Variants in DPP6 observed in about 807,000 individuals in gnomAD.
DPP6 encodes the protein A-type potassium channel modulatory protein DPP6.
A neutral mutation model predicts 122.6 loss-of-function variants in DPP6; 69 were observed. That is an observed-to-expected ratio of 0.56 (90% confidence interval 0.46 to 0.69). The LOEUF is 0.69. Ranked by LOEUF, DPP6 falls within the 30% of genes least tolerant of loss-of-function variation. The pLI, the probability that DPP6 is intolerant of heterozygous loss-of-function variation, is 0.00. For missense variants in DPP6, 928 were observed against 1,116.9 expected (o/e 0.83, Z 2.41); for synonymous variants, 418 against 433.1 (o/e 0.97, Z 0.43).
At chr7:154,056,472 T>A (rs917015158) in intron 1 of DPP6, among the ~76,000 whole-genome samples, 6 of 152,180 alleles carry the variant, frequency 3.9e-5, no homozygotes, top group Non-Finnish European at 8.8e-5. Flanking sequence ...TCCGCCTGCT[T>A]GAACATTTCT....
At chr7:154,278,025 A>C (rs77575473) in intron 1 of DPP6, among the ~76,000 whole-genome samples, 46 of 152,320 alleles carry the variant, frequency 3.0e-4, no homozygotes, top group African/African-American at 1.1e-3. Context: ...TCTTCCCGTC[A>C]TGCGGGCGAC....
intron 1 of DPP6, among the ~76,000 whole-genome samples, chr7:153,971,402 T>A: frequency 6.6e-6 from 1 of 150,812 alleles, no homozygotes; most frequent in East Asian, 2.0e-4. Flanking sequence ...TAATTTCTGA[T>A]TTTTACTGCT....
At chr7:154,235,359 T>C (rs1295455232) in intron 1 of DPP6, among the ~76,000 whole-genome samples, 1 of 152,222 alleles carries the variant, frequency 6.6e-6, no homozygotes, top group Non-Finnish European at 1.5e-5. Flanking sequence ...GCTTCATGCC[T>C]TTCTATTGTC....
intron 1 of DPP6, among the ~76,000 whole-genome samples, chr7:154,158,649 G>T (rs1394513190): frequency 6.6e-6 from 1 of 151,874 alleles, no homozygotes; most frequent in Non-Finnish European, 1.5e-5. Flanking sequence ...CAAAGGTCTG[G>T]TGGTATCTGT....
chr7:154,762,931 C>T (rs922800326), intron 8 of DPP6, among the ~76,000 whole-genome samples: 1 of 152,214 alleles, frequency 6.6e-6, no homozygotes, highest in African/African-American at 2.4e-5. Flanking sequence ...AGAAAATCAC[C>T]AAAGTGTGGA....
intron 5 of DPP6, among the ~76,000 whole-genome samples, chr7:154,567,615 A>G: frequency 6.6e-6 from 1 of 152,228 alleles, no homozygotes; most frequent in Non-Finnish European, 1.5e-5. Flanking sequence ...GAGATAAGCA[A>G]CTTTAGAAAT....
At chr7:153,942,371 T>G (rs578210616) in intron 1 of DPP6, among the ~76,000 whole-genome samples, 39 of 152,330 alleles carry the variant, frequency 2.6e-4, no homozygotes, top group African/African-American at 9.4e-4. Context: ...GGAAGAAAGC[T>G]TCTTCATGAC....
At chr7:154,503,825 CAGG>C (rs1825447910) in intron 3 of DPP6, among the ~76,000 whole-genome samples, 1 of 152,160 alleles carries the variant, frequency 6.6e-6, no homozygotes. Context: ...GCTTCTGCAT[CAGG>C]AGGACTAGCT....
intron 1 of DPP6, among the ~76,000 whole-genome samples, chr7:154,191,270 A>G (rs1798604235): frequency 2.0e-5 from 3 of 152,266 alleles, no homozygotes; most frequent in Admixed American, 6.5e-5. Context: ...GGGCATCTTA[A>G]TGGAAAGAAG....
At chr7:153,926,743 T>C (rs1800918936) in intron 1 of DPP6, among the ~76,000 whole-genome samples, 1 of 151,812 alleles carries the variant, frequency 6.6e-6, no homozygotes, top group Non-Finnish European at 1.5e-5. Flanking sequence ...TTTCTCCCTA[T>C]GTAGCATTCC....
intron 1 of DPP6, among the ~76,000 whole-genome samples, chr7:153,948,460 G>A (rs11972419): frequency 0.12 from 18,160 of 151,846 alleles, 1,834 homozygotes; most frequent in African/African-American, 0.28. Context: ...AGCCCACACC[G>A]GTTCCCATGG....
At chr7:154,440,118 G>T (rs952402772) in intron 1 of DPP6, among the ~76,000 whole-genome samples, 3 of 152,244 alleles carry the variant, frequency 2.0e-5, no homozygotes, top group South Asian at 2.1e-4. Flanking sequence ...CGAAAGTTGG[G>T]CAGGTTAACC....
intron 1 of DPP6, among the ~76,000 whole-genome samples, chr7:154,146,525 CCT>C (rs1209839194): frequency 3.9e-5 from 6 of 152,198 alleles, no homozygotes; most frequent in Non-Finnish European, 7.4e-5. Flanking sequence ...TCCCTCCCTG[CCT>C]CTCGCAGCAG....
At chr7:154,564,816 C>T (rs1409665590) in intron 4 of DPP6, among the ~76,000 whole-genome samples, 18 of 152,220 alleles carry the variant, frequency 1.2e-4, no homozygotes, top group Admixed American at 6.5e-5. Context: ...GCAGAAGATT[C>T]GAGTTGTCCA....
chr7:154,268,501 G>A (rs1160539037), intron 1 of DPP6, among the ~76,000 whole-genome samples: 2 of 152,162 alleles, frequency 1.3e-5, no homozygotes, highest in African/African-American at 4.8e-5. Context: ...CTATTCAGGA[G>A]GTAACATTCA....
chr7:154,596,399 G>A (rs527391296), intron 5 of DPP6, among the ~76,000 whole-genome samples: 5 of 152,344 alleles, frequency 3.3e-5, no homozygotes, highest in Admixed American at 6.5e-5. Context: ...CCGCTGACGC[G>A]GGAACACGGG....
At chr7:154,687,518 T>C (rs1318893130) in intron 7 of DPP6, among the ~76,000 whole-genome samples, 1 of 152,228 alleles carries the variant, frequency 6.6e-6, no homozygotes, top group East Asian at 1.9e-4. Flanking sequence ...CTTGTTCATG[T>C]CTTTTAACCT....
intron 8 of DPP6, among the ~76,000 whole-genome samples, chr7:154,738,926 A>G (rs1260168235): frequency 2.0e-5 from 3 of 152,144 alleles, no homozygotes; most frequent in Non-Finnish European, 2.9e-5. Context: ...CTAATTTAAA[A>G]CAGCAAAGTG....
intron 1 of DPP6, among the ~76,000 whole-genome samples, chr7:154,033,862 A>C (rs1027400349): frequency 6.6e-6 from 1 of 152,066 alleles, no homozygotes; most frequent in African/African-American, 2.4e-5. Flanking sequence ...TTTTCTTACA[A>C]ATAACCACTT....
Sources: gnomAD v4.1 joint callset for allele counts (sites outside exome capture counted in the v4.1 genomes callset) on GRCh38, gnomAD v4.1.1 for gene constraint, MANE v1.5 for transcripts, NCBI Gene and HGNC (gene_info 2026-07-23, HGNC 2026-07-21) for gene names.